Variants in ATP11B observed in about 807,000 individuals in gnomAD.
ATP11B encodes the protein ATPase phospholipid transporting 11B (putative).
A neutral mutation model predicts 157.8 loss-of-function variants in ATP11B; 81 were observed. The observed-to-expected ratio is 0.51, with a 90% CI of 0.43 to 0.62. The LOEUF (loss-of-function observed/expected upper bound fraction) is 0.62. Among genes scored for constraint, ATP11B ranks in the 20% least tolerant of loss-of-function variants. ATP11B has a pLI of 0.00. For missense variants in ATP11B, 1,165 were observed against 1,402.2 expected, an observed-to-expected ratio of 0.83 and a Z score of 2.70; for synonymous variants, 451 against 469.4, an observed-to-expected ratio of 0.96 and a Z score of 0.51.
Position 182,820,305 on chromosome 3 carries a change from G to C in ATP11B, c.73G>C (p.Ala25Pro), listed in dbSNP as rs763753686. The C allele has an allele frequency of 6.2e-7, 1 of 1,614,138 alleles. No homozygotes were observed. Among genetic ancestry groups the C allele is most frequent in the South Asian group, 1.1e-5 (1 of 91,080 alleles). ...HQSDTRTIYV[A>P]NRFPQNGLYT... ...GAGTGACACAAGAACCATCTACGTAGCCAACAGGTTTCCTCAGAATGGCCT... is the reference window on the plus strand; with the variant it reads ...GAGTGACACAAGAACCATCTACGTACCCAACAGGTTTCCTCAGAATGGCCT... Residue 25 changes from alanine (A) to proline (P), a missense_variant, in exon 2 of 30, where the codon GCC becomes CCC. Around this residue, in one of 4 missense-constraint regions of ATP11B, gnomAD observed 91 missense variants for 95.8 expected, o/e 0.95. Coordinates refer to ENST00000323116, the MANE Select transcript of ATP11B (RefSeq NM_014616.3).
Position 182,809,351 on chromosome 3 carries a change from C to T in ATP11B, c.28-10909C>T, listed in dbSNP as rs999743867. ...GCAACCTCCGCCTCCTGGGTTCAAG[C>T]GATTCTCCTGCCTCAGCCTCCCAAG... On this transcript the variant is annotated intron_variant, in intron 1 of 29. Transcript: ENST00000323116. 5.9e-5 allele frequency among the ~76,000 whole-genome samples: 9 copies of T among 152,208 alleles called. No homozygotes were observed. In the East Asian group the frequency reaches 9.6e-4, roughly 16 times the overall value.
At chr3:182,856,395 G>A (rs186783591) in intron 10 of ATP11B, among the ~76,000 whole-genome samples, 6 of 152,180 alleles carry the variant, frequency 3.9e-5, no homozygotes, top group African/African-American at 1.2e-4. Flanking sequence ...AGTAATGTAG[G>A]GAAAAAGGAG....
At chr3:182,817,952 T>G in intron 1 of ATP11B, among the ~76,000 whole-genome samples, 1 of 152,280 alleles carries the variant, frequency 6.6e-6, no homozygotes, top group South Asian at 2.1e-4. Flanking sequence ...CTTTCTTTTT[T>G]AAAAAAACTT....
rs1719235147 is a variant in ATP11B, at chr3:182,843,709, A to G, written c.704+1587A>G. 3 of 152,326 alleles carry G rather than the reference A, an allele frequency of 2.0e-5. No homozygotes were observed. In the South Asian group the frequency reaches 6.2e-4, roughly 32 times the overall value. 9.4% of individuals were successfully genotyped at this position (152,326 alleles called of 1,614,324 possible). On this transcript the variant is annotated intron_variant, in intron 8 of 29. Coordinates refer to ENST00000323116, the MANE Select transcript of ATP11B (RefSeq NM_014616.3). ...CTTATTTGGAATCAATCTTGGAATC[A>G]GCTCTTGAGTTTCTAATCGCATTTG...
intron 2 of ATP11B, among the ~76,000 whole-genome samples, chr3:182,825,738 A>AT (rs1466599081): frequency 6.6e-6 from 1 of 151,484 alleles, no homozygotes; most frequent in Non-Finnish European, 1.5e-5. Context: ...AAAAAAAAAA[A>AT]AATACAGAAA....
chr3:182,878,957 T>C (rs772421376), intron 19 of ATP11B, among the ~76,000 whole-genome samples: 6 of 152,226 alleles, frequency 3.9e-5, no homozygotes, highest in South Asian at 2.1e-4. Context: ...AATTACTGTA[T>C]CTATATATCA....
chr3:182,877,308 C>T (rs1328940976), intron 19 of ATP11B, among the ~76,000 whole-genome samples: 1 of 152,106 alleles, frequency 6.6e-6, no homozygotes, highest in African/African-American at 2.4e-5. Flanking sequence ...GTTCACTGGA[C>T]AGAGAGTGAC....
At chr3:182,914,686 C>A (rs1355157907) in intron 29 of ATP11B, 1 of 985,348 alleles carries the variant, frequency 1.0e-6, no homozygotes, top group Non-Finnish European at 1.2e-6. Context: ...AGATTTATCA[C>A]CATGCCTGCT....
At chr3:182,797,721 GAAAAA>G (rs1715715860) in intron 1 of ATP11B, among the ~76,000 whole-genome samples, 1 of 150,346 alleles carries the variant, frequency 6.7e-6, no homozygotes, top group African/African-American at 2.5e-5. Flanking sequence ...AAAGAAAAAA[GAAAAA>G]AGAAAAAAGA....
In ATP11B at chr3:182,829,784, C is replaced by A. The variant is rs781591711; in HGVS notation, c.315+32C>A. ...AATACTTTCTTTTTTTAATTTTCCT[C>A]TAAGTCATTTAGAAGTTGCTAAATA... is the stretch of plus-strand genomic sequence containing the variant. On this transcript the variant is annotated intron_variant, in intron 4 of 29. Coordinates refer to ENST00000323116, the MANE Select transcript of ATP11B (RefSeq NM_014616.3). The A allele has an allele frequency of 4.0e-5, 60 of 1,508,508 alleles. No individual in the cohort carries two copies. The East Asian group carries it at 1.4e-3, about 34-fold the overall frequency. 93.4% of individuals were successfully genotyped at this position (1,508,508 alleles called of 1,614,324 possible). A position where few individuals can be genotyped will look rare whatever the true frequency, so the allele number is the denominator to read the frequency against.
chr3:182,874,815 C>T (rs1721915234), intron 19 of ATP11B, among the ~76,000 whole-genome samples: 1 of 152,126 alleles, frequency 6.6e-6, no homozygotes, highest in Non-Finnish European at 1.5e-5. Flanking sequence ...AAAAATTATA[C>T]TCAATGATTA....
chr3:182,859,751 C>G (rs1172464675), intron 12 of ATP11B, among the ~76,000 whole-genome samples: 1 of 152,064 alleles, frequency 6.6e-6, no homozygotes, highest in African/African-American at 2.4e-5. Flanking sequence ...ATTCCCGGTT[C>G]TATAGATGTG....
rs1221736255 is a variant in ATP11B at position 182,837,170 on chromosome 3, T to C, written c.652T>C (p.Tyr218His). The change falls in exon 7 of 30, where the codon TAC becomes CAC. Residue 218 changes from tyrosine (Y) to histidine (H), a missense_variant. This residue lies in a region of ATP11B where 737 missense variants were observed against 930.5 expected (regional missense o/e 0.79). Transcript: ENST00000323116. ...ATGCCAGCAACCAGAAGCAGACTTATACAGGTATGGTGTGATATTCAGTAT... is the reference window on the plus strand; with the variant it reads ...ATGCCAGCAACCAGAAGCAGACTTACACAGGTATGGTGTGATATTCAGTAT... The part of the protein sequence containing the change: ...IECQQPEADL[Y>H]RFMGRMIITQ... 13 of 1,602,316 alleles carry C rather than the reference T, an allele frequency of 8.1e-6. No homozygotes were observed. The highest frequency in any genetic ancestry group is 2.2e-5 in the East Asian group (1 of 44,770).
In ATP11B at chr3:182,898,670, T is replaced by G. The variant is rs1372605969; in HGVS notation, c.3216T>G (p.Ala1072=). The change falls in exon 28 of 30, where the codon GCT becomes GCG. Residue 1072 remains alanine (A), a synonymous_variant. Coordinates refer to ENST00000323116, the MANE Select transcript of ATP11B (RefSeq NM_014616.3). ...VFIQLLSSGS[A]WFAIILMVVT... ...TTCAGCTCCTGTCAAGTGGTTCTGCTTGGTTTGCCATAATCCTCATGGTTG... is the reference window on the plus strand; with the variant it reads ...TTCAGCTCCTGTCAAGTGGTTCTGCGTGGTTTGCCATAATCCTCATGGTTG... 3.7e-6 allele frequency: 6 copies of G among 1,610,432 alleles called. No individual in the cohort carries two copies. Among genetic ancestry groups the G allele is most frequent in the African/African-American group, 2.7e-5 (2 of 74,820 alleles).
intron 4 of ATP11B, among the ~76,000 whole-genome samples, chr3:182,834,602 C>T (rs1216793694): frequency 4.6e-5 from 7 of 152,148 alleles, no homozygotes. Context: ...ATTATCTATA[C>T]TTGTGCCGTA....
At position 182,834,443 on chromosome 3, in the gene ATP11B, C is replaced by T. The variant is rs539770958; in HGVS notation, c.316-1592C>T. ...AACTCCCAGTCTCCTAGTTCTCCTA[C>T]CCAGGGAGCAATTATTTGTAAGTTA... is the stretch of plus-strand genomic sequence containing the variant. On this transcript the variant is annotated intron_variant, in intron 4 of 29. Transcript: ENST00000323116. Among the ~76,000 whole-genome samples, 4 of 152,232 alleles carry T rather than the reference C, an allele frequency of 2.6e-5. No homozygotes were observed. In the South Asian group the frequency reaches 6.2e-4, roughly 24 times the overall value.
Position 182,849,098 on chromosome 3 carries a change from G to A in ATP11B, c.851+541G>A, listed in dbSNP as rs149507790. On this transcript the variant is annotated intron_variant, in intron 10 of 29. Coordinates refer to ENST00000323116, the MANE Select transcript of ATP11B (RefSeq NM_014616.3). ...AGGGGAAAATAATGTAAGGGGATTA[G>A]CATTAATTCCCTTCTGTAAGCAATG... Among the ~76,000 whole-genome samples, 833 of 152,308 alleles carry A rather than the reference G, an allele frequency of 5.5e-3. 9 individuals carry two copies. The highest frequency in any genetic ancestry group is 0.019 in the African/African-American group (786 of 41,574).
chr3:182,909,100 G>T lies in ATP11B; in HGVS notation c.3319-4761G>T, dbSNP rs543439295. Among the ~76,000 whole-genome samples, 41 of 152,306 alleles carry T rather than the reference G, an allele frequency of 2.7e-4. 2 individuals are homozygous for T. The South Asian group carries it at 8.5e-3, about 32-fold the overall frequency. On this transcript the variant is annotated intron_variant, in intron 28 of 29. Transcript: ENST00000323116. ...TGACTAAAAAATGTTAGAAATGTGA[G>T]ACATTTTTCTAAAATTTATAAGATT... is the stretch of plus-strand genomic sequence containing the variant.
intron 25 of ATP11B, among the ~76,000 whole-genome samples, chr3:182,892,574 C>T (rs560897037): frequency 1.1e-4 from 16 of 151,028 alleles, no homozygotes; most frequent in Admixed American, 7.3e-4. Flanking sequence ...GACTTTATCC[C>T]TTTTTTTTTG....
Sources: allele counts gnomAD v4.1 joint callset (sites outside exome capture counted in the v4.1 genomes callset), GRCh38; gene constraint gnomAD v4.1.1; regional missense constraint gnomAD v4.1.1; transcripts MANE v1.5; gene names NCBI Gene and HGNC (gene_info 2026-07-23, HGNC 2026-07-21).